Variants in SAMD12 observed in about 807,000 individuals in gnomAD.
SAMD12 encodes the protein sterile alpha motif domain-containing protein 12.
A neutral mutation model predicts 15.0 loss-of-function variants in SAMD12; 9 were observed. The observed-to-expected ratio is 0.60, with a 90% CI of 0.36 to 1.05. The LOEUF (loss-of-function observed/expected upper bound fraction) is 1.05. Among genes scored for constraint, SAMD12 ranks in the 50% least tolerant of loss-of-function variants. The pLI is 0.01. For synonymous variants in SAMD12, 86 were observed against 90.1 expected, an observed-to-expected ratio of 0.96 and a Z score of 0.25; for missense variants, 230 against 234.2, an observed-to-expected ratio of 0.98 and a Z score of 0.12.
chr8:118,314,593 T>A (rs913788511), intron 4 of SAMD12, among the ~76,000 whole-genome samples: 3 of 152,192 alleles, frequency 2.0e-5, no homozygotes, highest in Non-Finnish European at 4.4e-5. Context: ...TTTTTTGCCA[T>A]CTCTATAATT....
At chr8:118,297,490 AC>A (rs1814775776) in intron 4 of SAMD12, among the ~76,000 whole-genome samples, 1 of 152,218 alleles carries the variant, frequency 6.6e-6, no homozygotes, top group Non-Finnish European at 1.5e-5. Flanking sequence ...CATTGGATAA[AC>A]ATACTTTGGT....
chr8:118,533,077 G>C (rs532337078), intron 2 of SAMD12, among the ~76,000 whole-genome samples: 190 of 151,962 alleles, frequency 1.3e-3, no homozygotes, highest in African/African-American at 4.5e-3. Flanking sequence ...TGGGCATTTA[G>C]TGCTATAAAT....
chr8:118,489,810 T>C (rs1239885530), intron 2 of SAMD12, among the ~76,000 whole-genome samples: 1 of 152,218 alleles, frequency 6.6e-6, no homozygotes, highest in Non-Finnish European at 1.5e-5. Flanking sequence ...CTTTTCCTTT[T>C]GTTTAATACA....
intron 2 of SAMD12, among the ~76,000 whole-genome samples, chr8:118,456,144 G>C (rs1053013156): frequency 6.6e-6 from 1 of 152,144 alleles, no homozygotes; most frequent in African/African-American, 2.4e-5. Flanking sequence ...TCTTTGTCAT[G>C]GTCTTGATGT....
At chr8:118,388,662 T>C (rs1266584122) in intron 3 of SAMD12, among the ~76,000 whole-genome samples, 1 of 151,910 alleles carries the variant, frequency 6.6e-6, no homozygotes, top group Non-Finnish European at 1.5e-5. Flanking sequence ...CTTGTTAAAT[T>C]AACCCTGGGT....
intron 4 of SAMD12, among the ~76,000 whole-genome samples, chr8:118,350,805 T>C (rs887796524): frequency 6.6e-6 from 1 of 152,222 alleles, no homozygotes; most frequent in Non-Finnish European, 1.5e-5. Context: ...TCACAAAATA[T>C]GCGTGCTTTG....
intron 4 of SAMD12, among the ~76,000 whole-genome samples, chr8:118,289,124 T>C (rs1328091611): frequency 1.3e-5 from 2 of 152,222 alleles, no homozygotes; most frequent in South Asian, 2.1e-4. Flanking sequence ...TTAAGATTTA[T>C]GCACTTTATT....
At chr8:118,600,126 G>A (rs150561025) in intron 1 of SAMD12, among the ~76,000 whole-genome samples, 9 of 152,220 alleles carry the variant, frequency 5.9e-5, no homozygotes, top group African/African-American at 1.7e-4. Context: ...GAAGTGTGCT[G>A]GTTTTCTAAC....
the SAMD12 span, among the ~76,000 whole-genome samples, chr8:118,133,566 G>A: frequency 6.6e-6 from 1 of 152,144 alleles, no homozygotes; most frequent in Non-Finnish European, 1.5e-5. Context: ...TTATATATAA[G>A]AAAGTATTCA....
chr8:118,153,422 T>C, the SAMD12 span, among the ~76,000 whole-genome samples: 1 of 152,114 alleles, frequency 6.6e-6, no homozygotes, highest in South Asian at 2.1e-4. Context: ...GTACACTCTG[T>C]TTTTTGTGAA....
chr8:118,424,976 T>C (rs1822178340), intron 3 of SAMD12, among the ~76,000 whole-genome samples: 1 of 150,976 alleles, frequency 6.6e-6, no homozygotes, highest in Admixed American at 6.6e-5. Context: ...TCTTGCTCTG[T>C]CGCCCAGGCT....
chr8:118,449,111 G>A (rs1363830554), intron 2 of SAMD12, among the ~76,000 whole-genome samples: 1 of 150,312 alleles, frequency 6.7e-6, no homozygotes, highest in Admixed American at 6.6e-5. Flanking sequence ...CATCCAGGCT[G>A]GAGTGCAATG....
At chr8:118,320,591 C>T (rs1034418721) in intron 4 of SAMD12, among the ~76,000 whole-genome samples, 2 of 147,794 alleles carry the variant, frequency 1.4e-5, no homozygotes, top group African/African-American at 5.0e-5. Context: ...ACTGCATGTT[C>T]TCACTCAGAG....
At chr8:118,160,508 A>G in the SAMD12 span, among the ~76,000 whole-genome samples, 2 of 152,264 alleles carry the variant, frequency 1.3e-5, no homozygotes, top group Admixed American at 6.5e-5. Flanking sequence ...GATCAATGAT[A>G]CAAAATAGAT....
At chr8:118,133,184 G>A in the SAMD12 span, among the ~76,000 whole-genome samples, 2 of 151,132 alleles carry the variant, frequency 1.3e-5, no homozygotes, top group Non-Finnish European at 2.9e-5. Flanking sequence ...TTCCTTATGA[G>A]TTTTAAAATA....
chr8:118,205,747 G>T (rs1819844389), intron 4 of SAMD12, among the ~76,000 whole-genome samples: 1 of 152,064 alleles, frequency 6.6e-6, no homozygotes, highest in Non-Finnish European at 1.5e-5. Context: ...CAGAGGAGTA[G>T]TTCTGCTGCC....
chr8:118,165,639 T>TATATATATATATATATATATATACAC, the SAMD12 span, among the ~76,000 whole-genome samples: 3 of 138,310 alleles, frequency 2.2e-5, no homozygotes, highest in African/African-American at 9.1e-5. Context: ...TATATATACA[T>TATATATATATATATATATATATACAC]ATATATATAT....
At chr8:118,240,182 A>G (rs1247984101) in intron 4 of SAMD12, among the ~76,000 whole-genome samples, 1 of 152,054 alleles carries the variant, frequency 6.6e-6, no homozygotes, top group Non-Finnish European at 1.5e-5. Context: ...CAGCCACGTG[A>G]GTGATGTTGG....
chr8:118,218,522 A>ACCCCCCCCCCCCCCCCCCCCCCC (rs1586354528), intron 4 of SAMD12, among the ~76,000 whole-genome samples: 1 of 109,338 alleles, frequency 9.1e-6, no homozygotes, highest in African/African-American at 3.5e-5. Context: ...ACATCTCCCC[A>ACCCCCCCCCCCCCCCCCCCCCCC]CCCCCACCCC....
Sources: allele counts gnomAD v4.1 joint callset (sites outside exome capture counted in the v4.1 genomes callset), GRCh38; gene constraint gnomAD v4.1.1; transcripts MANE v1.5; gene names NCBI Gene and HGNC (gene_info 2026-07-23, HGNC 2026-07-21).